CCDC7: variants seen among roughly 807,000 people sequenced by gnomAD.
The protein encoded by CCDC7 is coiled-coil domain-containing protein 7.
In CCDC7, 183 loss-of-function variants were observed where a neutral mutation model predicts 196.9. That is an observed-to-expected ratio of 0.93 (90% CI 0.82 to 1.05). The LOEUF (loss-of-function observed/expected upper bound fraction) is 1.05. Among genes scored for constraint, CCDC7 ranks in the 50% least tolerant of loss-of-function variants. CCDC7 has a pLI of 0.00. For synonymous variants in CCDC7, 525 were observed against 484.6 expected (o/e 1.08, Z -1.10); for missense variants, 1,540 against 1,482.2 (o/e 1.04, Z -0.64).
intron 31 of CCDC7, 36 bp from the exon 33 acceptor site, chr10:32,824,482 A>T (rs1018364800): frequency 7.3e-7 from 1 of 1,376,910 alleles, no homozygotes; most frequent in Non-Finnish European, 1.0e-6. Flanking sequence ...TATTTACATT[A>T]AAAAAGTGTT....
intron 30 of CCDC7, among the ~76,000 whole-genome samples, chr10:32,814,039 C>T (rs566274973): frequency 2.6e-5 from 4 of 152,114 alleles, no homozygotes; most frequent in Non-Finnish European, 4.4e-5. Flanking sequence ...CTCACTGCAA[C>T]CTCCGACTCC....
chr10:32,614,334 A>G (rs1266041123), intron 18 of CCDC7, among the ~76,000 whole-genome samples: 2 of 147,744 alleles, frequency 1.4e-5, no homozygotes, highest in African/African-American at 5.0e-5. Flanking sequence ...CTTTGCATGT[A>G]GACACACATA....
At chr10:32,519,425 A>G (rs1175468797) in intron 11 of CCDC7, among the ~76,000 whole-genome samples, 1 of 152,072 alleles carries the variant, frequency 6.6e-6, no homozygotes. Context: ...GTGTTTCTTC[A>G]GGTGTTTTGT....
intron 40 of CCDC7, among the ~76,000 whole-genome samples, chr10:32,853,016 C>G (rs2136300419): frequency 6.6e-6 from 1 of 152,198 alleles, no homozygotes; most frequent in Non-Finnish European, 1.5e-5. Context: ...GAACTCCTAG[C>G]TTTTTATAGC....
intron 8 of CCDC7, among the ~76,000 whole-genome samples, chr10:32,486,830 T>A (rs990392066): frequency 6.6e-6 from 1 of 151,706 alleles, no homozygotes; most frequent in African/African-American, 2.4e-5. Context: ...CCCACTCTCT[T>A]CTGGCTTGTA....
chr10:32,832,831 A>G (rs1159201845), intron 32 of CCDC7, among the ~76,000 whole-genome samples: 3 of 152,104 alleles, frequency 2.0e-5, no homozygotes, highest in Non-Finnish European at 2.9e-5. Flanking sequence ...GTGTGGTACC[A>G]TATATAGATA....
chr10:32,741,176 T>C (rs931779001), intron 28 of CCDC7, among the ~76,000 whole-genome samples: 2 of 152,112 alleles, frequency 1.3e-5, no homozygotes, highest in Non-Finnish European at 1.5e-5. Context: ...TTTTCCTAGG[T>C]AGTAGATTAA....
At chr10:32,728,842 G>C in intron 26 of CCDC7, 45 bp from the exon 28 acceptor site, 1 of 1,088,062 alleles carries the variant, frequency 9.2e-7, no homozygotes, top group African/African-American at 1.6e-5. Context: ...TACATTCATA[G>C]ATTTATGTTT....
chr10:32,813,302 G>A (rs1252775241), intron 30 of CCDC7, among the ~76,000 whole-genome samples: 1 of 151,880 alleles, frequency 6.6e-6, no homozygotes, highest in African/African-American at 2.4e-5. Context: ...TTATCTCATT[G>A]AACTTAGTAG....
intron 21 of CCDC7, chr10:32,675,783 C>A (rs939555365): frequency 2.0e-5 from 3 of 152,104 alleles, no homozygotes; most frequent in Non-Finnish European, 4.4e-5. Flanking sequence ...AAGGAAGAAT[C>A]AATATCGTGA....
chr10:32,496,924 T>G (rs1362038594), intron 9 of CCDC7, among the ~76,000 whole-genome samples: 1 of 152,148 alleles, frequency 6.6e-6, no homozygotes, highest in Non-Finnish European at 1.5e-5. Context: ...TTAGGGAGGA[T>G]TCTCTCTTTT....
At chr10:32,839,396 G>A (rs576599336) in intron 33 of CCDC7, among the ~76,000 whole-genome samples, 60 of 151,796 alleles carry the variant, frequency 4.0e-4, no homozygotes, top group African/African-American at 1.3e-3. Flanking sequence ...AACCAACAGC[G>A]GTTAAAAATG....
chr10:32,545,477 C>A (rs1398857845), intron 13 of CCDC7, among the ~76,000 whole-genome samples: 1 of 152,188 alleles, frequency 6.6e-6, no homozygotes, highest in Non-Finnish European at 1.5e-5. Context: ...ATGAGTGTTA[C>A]ATGGTTTGGG....
intron 9 of CCDC7, among the ~76,000 whole-genome samples, chr10:32,506,459 G>A (rs962082688): frequency 6.6e-6 from 1 of 152,232 alleles, no homozygotes; most frequent in African/African-American, 2.4e-5. Context: ...GGTGGCAGGC[G>A]GGCAGAAGCT....
chr10:32,517,861 GAAAA>G (rs536555434), intron 9 of CCDC7, 80 bp from the exon 11 acceptor site: 7 of 1,453,340 alleles, frequency 4.8e-6, no homozygotes, highest in Admixed American at 4.0e-5. Context: ...AATACCAAAA[GAAAA>G]AAAAAGAAAA....
chr10:32,852,726 G>T (rs1374707586), intron 40 of CCDC7, among the ~76,000 whole-genome samples: 1 of 152,138 alleles, frequency 6.6e-6, no homozygotes, highest in Non-Finnish European at 1.5e-5. Context: ...AATGCAGAAA[G>T]TTGACTATTA....
At chr10:32,619,485 T>G (rs1308809100) in intron 18 of CCDC7, among the ~76,000 whole-genome samples, 1 of 152,052 alleles carries the variant, frequency 6.6e-6, no homozygotes, top group African/African-American at 2.4e-5. Flanking sequence ...AATATAAAAT[T>G]TATTTAGAAG....
upstream of CCDC7, among the ~76,000 whole-genome samples, chr10:32,445,239 C>T (rs1006455616): frequency 2.6e-5 from 4 of 152,194 alleles, no homozygotes; most frequent in Non-Finnish European, 4.4e-5. Flanking sequence ...TTTCCCTTTC[C>T]AGGCAACCCC....
intron 28 of CCDC7, among the ~76,000 whole-genome samples, chr10:32,745,802 A>G (rs570660799): frequency 1.3e-5 from 2 of 152,184 alleles, no homozygotes; most frequent in Non-Finnish European, 2.9e-5. Flanking sequence ...ATCTCTAAGG[A>G]AGAACTGACA....
Sources: gnomAD v4.1 joint callset for allele counts (sites outside exome capture counted in the v4.1 genomes callset) on GRCh38, gnomAD v4.1.1 for gene constraint, MANE v1.5 for transcripts, NCBI Gene and HGNC (gene_info 2026-07-23, HGNC 2026-07-21) for gene names.